Variants in WIPF1 observed in about 807,000 individuals in gnomAD.
WIPF1 encodes the protein WAS/WASL-interacting protein family member 1.
WIPF1 carries 13 observed loss-of-function variants against 35.4 expected under a neutral mutation model. The ratio of observed to expected loss-of-function variants is 0.37; its 90% CI spans 0.24 to 0.58. WIPF1 has a LOEUF of 0.58. Among genes scored for constraint, WIPF1 ranks in the 20% least tolerant of loss-of-function variants. WIPF1 has a pLI of 0.74. For synonymous variants in WIPF1, 267 were observed against 266.3 expected, an observed-to-expected ratio of 1.00 and a Z score of -0.02; for missense variants, 591 against 667.0, an observed-to-expected ratio of 0.89 and a Z score of 1.25.
chr2:174,672,997 C>T (rs1194494639), intron 1 of WIPF1, among the ~76,000 whole-genome samples: 1 of 152,136 alleles, frequency 6.6e-6, no homozygotes, highest in African/African-American at 2.4e-5. Flanking sequence ...GATGGACATC[C>T]CAAACCAGGG....
chr2:174,593,727 T>C (rs1685704581), intron 1 of WIPF1, among the ~76,000 whole-genome samples: 1 of 152,240 alleles, frequency 6.6e-6, no homozygotes, highest in African/African-American at 2.4e-5. Flanking sequence ...CAGCTGCAGT[T>C]GCCTGGAGTT....
At chr2:174,671,727 G>A (rs768083226) in intron 1 of WIPF1, among the ~76,000 whole-genome samples, 9 of 152,096 alleles carry the variant, frequency 5.9e-5, no homozygotes, top group Admixed American at 1.3e-4. Flanking sequence ...CCGGTCTCCC[G>A]TAGCGCTCCC....
chr2:174,588,620 G>A (rs942306992), intron 1 of WIPF1, among the ~76,000 whole-genome samples: 1 of 152,204 alleles, frequency 6.6e-6, no homozygotes, highest in African/African-American at 2.4e-5. Flanking sequence ...CAGGGAGGGC[G>A]TGTTAACTTC....
upstream of WIPF1, among the ~76,000 whole-genome samples, chr2:174,598,394 C>T (rs1685891524): frequency 2.0e-5 from 3 of 152,108 alleles, no homozygotes; most frequent in South Asian, 6.2e-4. Flanking sequence ...TCCCTGTGGC[C>T]CTGACCTCCT....
chr2:174,671,962 C>T (rs1342170822), intron 1 of WIPF1, among the ~76,000 whole-genome samples: 2 of 152,134 alleles, frequency 1.3e-5, no homozygotes, highest in Non-Finnish European at 2.9e-5. Context: ...CTCTGTGACC[C>T]ACACCCTATT....
intron 1 of WIPF1, chr2:174,623,477 T>C (rs1327080750): frequency 6.6e-6 from 1 of 152,202 alleles, no homozygotes; most frequent in East Asian, 1.9e-4. Context: ...CATCTCTCTA[T>C]AAGGCAGCTC....
At chr2:174,634,395 T>C (rs1423551524) in intron 1 of WIPF1, 1 of 152,240 alleles carries the variant, frequency 6.6e-6, no homozygotes, top group African/African-American at 2.4e-5. Flanking sequence ...CGCTGGCTCT[T>C]ACATTCAAAG....
intron 4 of WIPF1, among the ~76,000 whole-genome samples, chr2:174,573,662 G>T (rs1344091607): frequency 6.6e-6 from 1 of 152,162 alleles, no homozygotes; most frequent in East Asian, 1.9e-4. Context: ...CAGGTGCAGA[G>T]GCCCTGAGGT....
intron 1 of WIPF1, among the ~76,000 whole-genome samples, chr2:174,640,637 G>C (rs947746933): frequency 1.3e-5 from 2 of 151,274 alleles, no homozygotes; most frequent in African/African-American, 4.9e-5. Context: ...TATACTTTAA[G>C]TTCTAGAGTA....
chr2:174,636,259 T>A (rs1342813560), intron 1 of WIPF1, among the ~76,000 whole-genome samples: 1 of 152,232 alleles, frequency 6.6e-6, no homozygotes, highest in Non-Finnish European at 1.5e-5. Context: ...TTAAGCCGTG[T>A]TCTGTGTGGA....
chr2:174,587,217 A>G (rs564703102), intron 1 of WIPF1, among the ~76,000 whole-genome samples: 1 of 151,868 alleles, frequency 6.6e-6, no homozygotes, highest in Non-Finnish European at 1.5e-5. Flanking sequence ...GGGTCTTGCT[A>G]TGTTGCCCAG....
chr2:174,649,771 C>T (rs1460327579), intron 1 of WIPF1, among the ~76,000 whole-genome samples: 1 of 152,262 alleles, frequency 6.6e-6, no homozygotes, highest in East Asian at 1.9e-4. Flanking sequence ...CTGACCATCA[C>T]ATAAAAGAAT....
intron 1 of WIPF1, among the ~76,000 whole-genome samples, chr2:174,629,458 T>C (rs748426331): frequency 6.6e-6 from 1 of 152,098 alleles, no homozygotes; most frequent in African/African-American, 2.4e-5. Context: ...ATGCTGTCCA[T>C]GTAGGTAAAT....
Position 174,561,855 on chromosome 2 carries a change from A to T in WIPF1, c.*692T>A. On this transcript the variant is annotated 3_prime_UTR_variant, in exon 8 of 8. Coordinates refer to ENST00000679041, the MANE Select transcript of WIPF1 (RefSeq NM_001375834.1). ...TGAATGGAGATGTGCGGTAAGTGTAAAATACACTCTGGATTTTGAAGATTC... is the reference window on the plus strand; with the variant it reads ...TGAATGGAGATGTGCGGTAAGTGTATAATACACTCTGGATTTTGAAGATTC... 1.9e-6 allele frequency: 1 copy of T among 539,970 alleles called. No homozygotes were observed. 33.4% of individuals were successfully genotyped at this position (539,970 alleles called of 1,614,324 possible).
At chr2:174,595,138 AT>A (rs1685775009) in intron 1 of WIPF1, among the ~76,000 whole-genome samples, 1 of 128,196 alleles carries the variant, frequency 7.8e-6, no homozygotes, top group Non-Finnish European at 1.6e-5. Context: ...ATATATATAT[AT>A]AATTAACTGG....
At chr2:174,651,333 CT>C (rs1426106126) in intron 1 of WIPF1, among the ~76,000 whole-genome samples, 5 of 152,024 alleles carry the variant, frequency 3.3e-5, no homozygotes, top group Admixed American at 1.3e-4. Flanking sequence ...ACACTACTAT[CT>C]TTTTTAAAAA....
chr2:174,611,594 T>C (rs757269027), intron 1 of WIPF1, among the ~76,000 whole-genome samples: 74 of 152,138 alleles, frequency 4.9e-4, no homozygotes, highest in Non-Finnish European at 9.4e-4. Flanking sequence ...ACCTCCAAAC[T>C]TTCCCTTGGT....
intron 5 of WIPF1, chr2:174,570,576 A>G (rs866874220): frequency 6.6e-6 from 1 of 152,114 alleles, no homozygotes; most frequent in South Asian, 2.1e-4. Flanking sequence ...GCTGCACACT[A>G]TAATCACCAG....
At chr2:174,681,899 A>AC (rs775540139) in intron 1 of WIPF1, among the ~76,000 whole-genome samples, 6 of 152,218 alleles carry the variant, frequency 3.9e-5, no homozygotes, top group Non-Finnish European at 8.8e-5. Context: ...ACACAGCCAC[A>AC]CCCTTTGTTA....
Sources: allele counts gnomAD v4.1 joint callset (sites outside exome capture counted in the v4.1 genomes callset), GRCh38; gene constraint gnomAD v4.1.1; transcripts MANE v1.5; gene names NCBI Gene and HGNC (gene_info 2026-07-23, HGNC 2026-07-21).